The following CSMD1 variants were observed in gnomAD, a reference collection of about 807,000 sequenced individuals.
CSMD1 encodes the protein CUB and sushi domain-containing protein 1.
CSMD1 carries 213 observed loss-of-function variants against 417.5 expected under a neutral mutation model. The ratio of observed to expected loss-of-function variants is 0.51; its 90% CI spans 0.46 to 0.57. The LOEUF (loss-of-function observed/expected upper bound fraction) is 0.57. Among genes scored for constraint, CSMD1 ranks in the 20% least tolerant of loss-of-function variants. The pLI is 0.00. For missense variants in CSMD1, 6,923 were observed against 4,529.7 expected, an observed-to-expected ratio of 1.53 and a Z score of -15.17; for synonymous variants, 2,862 against 1,736.8, an observed-to-expected ratio of 1.65 and a Z score of -16.11.
intron 2 of CSMD1, among the ~76,000 whole-genome samples, chr8:4,600,079 G>T (rs1253684768): frequency 2.6e-5 from 4 of 152,158 alleles, no homozygotes; most frequent in African/African-American, 7.2e-5. Flanking sequence ...TTTATACTGT[G>T]GAGTTAGGAC....
At chr8:3,295,188 G>A (rs1203968124) in intron 25 of CSMD1, among the ~76,000 whole-genome samples, 3 of 152,012 alleles carry the variant, frequency 2.0e-5, no homozygotes, top group Admixed American at 6.6e-5. Context: ...GCAGTGGTGT[G>A]ATCTTGGCTC....
At chr8:4,628,935 G>T (rs964979150) in intron 2 of CSMD1, among the ~76,000 whole-genome samples, 22 of 152,126 alleles carry the variant, frequency 1.4e-4, no homozygotes, top group African/African-American at 4.6e-4. Context: ...TGGACACTCT[G>T]ATACTGTGTT....
intron 3 of CSMD1, among the ~76,000 whole-genome samples, chr8:4,166,649 T>C (rs2131118242): frequency 6.6e-6 from 1 of 152,212 alleles, no homozygotes; most frequent in East Asian, 1.9e-4. Context: ...GCATATTGGG[T>C]ACCGTGTACA....
chr8:4,862,125 G>C lies in CSMD1; in HGVS notation c.85+132207C>G, dbSNP rs551679495. Reference sequence around the variant, plus strand: ...AGGAAGGAGTGAGTCAGCTCTAAGGGTCTGGGGACAAGGAGGCATCAGGGA... The same window carrying C: ...AGGAAGGAGTGAGTCAGCTCTAAGGCTCTGGGGACAAGGAGGCATCAGGGA... On this transcript the variant is annotated intron_variant, in intron 1 of 69. Transcript: ENST00000635120. Among the ~76,000 whole-genome samples, 21 of 152,162 alleles carry C rather than the reference G, an allele frequency of 1.4e-4. No individual in the cohort carries two copies. In the East Asian group the frequency reaches 3.5e-3, roughly 25 times the overall value.
intron 10 of CSMD1, among the ~76,000 whole-genome samples, chr8:3,497,302 G>C (rs1445716902): frequency 2.0e-5 from 3 of 152,094 alleles, no homozygotes; most frequent in Non-Finnish European, 4.4e-5. Flanking sequence ...AATAATGTTT[G>C]CTTTATATAT....
chr8:4,181,784 A>G (rs1798390701), intron 3 of CSMD1, among the ~76,000 whole-genome samples: 2 of 152,222 alleles, frequency 1.3e-5, no homozygotes, highest in African/African-American at 4.8e-5. Flanking sequence ...CGTATTAACG[A>G]TTTAGGTGAC....
At chr8:3,664,245 C>T (rs944102397) in intron 7 of CSMD1, among the ~76,000 whole-genome samples, 3 of 152,140 alleles carry the variant, frequency 2.0e-5, no homozygotes, top group African/African-American at 7.2e-5. Context: ...CAAGTGTTCT[C>T]ATTGTTCAAT....
At chr8:3,558,291 A>T (rs556646433) in intron 10 of CSMD1, among the ~76,000 whole-genome samples, 3 of 141,282 alleles carry the variant, frequency 2.1e-5, no homozygotes, top group Non-Finnish European at 3.1e-5. Context: ...TGGTGCCTCA[A>T]TGGAACTCCG....
intron 68 of CSMD1, among the ~76,000 whole-genome samples, chr8:2,943,485 C>T (rs777274393): frequency 6.6e-6 from 1 of 152,046 alleles, no homozygotes; most frequent in African/African-American, 2.4e-5. Flanking sequence ...GCCTCGGCCT[C>T]GAAAAGTGCT....
At chr8:3,688,726 T>C (rs1405476204) in intron 7 of CSMD1, among the ~76,000 whole-genome samples, 5 of 152,160 alleles carry the variant, frequency 3.3e-5, no homozygotes, top group African/African-American at 1.2e-4. Context: ...AATTAAAAAA[T>C]ATTTACTTTA....
At chr8:3,669,148 A>G (rs1798855546) in intron 7 of CSMD1, among the ~76,000 whole-genome samples, 1 of 152,220 alleles carries the variant, frequency 6.6e-6, no homozygotes, top group African/African-American at 2.4e-5. Flanking sequence ...GAATGGTTAA[A>G]ACAAGGAAAG....
chr8:3,002,112 G>C (rs77328115), intron 52 of CSMD1, among the ~76,000 whole-genome samples: 2,803 of 152,272 alleles, frequency 0.018, 95 homozygotes, highest in African/African-American at 0.065. Flanking sequence ...AGGTATTCCA[G>C]TCAATCGGAT....
intron 3 of CSMD1, among the ~76,000 whole-genome samples, chr8:4,316,616 C>T (rs537492088): frequency 6.6e-6 from 1 of 151,992 alleles, no homozygotes; most frequent in South Asian, 2.1e-4. Flanking sequence ...TCAGAGACAC[C>T]CGTGACAGAA....
rs139762421 is a variant in CSMD1, at chr8:4,844,539, C to T, written c.85+149793G>A. ...TCAGGACTGCCTGCTGCGACTGGCT[C>T]GAGATTCAATAACCAGCCATGAGGG... On this transcript the variant is annotated intron_variant, in intron 1 of 69. Transcript: ENST00000635120. 1.6e-3 allele frequency among the ~76,000 whole-genome samples: 241 copies of T among 152,216 alleles called. 2 individuals are homozygous for T. The highest frequency in any genetic ancestry group is 3.0e-3 in the Non-Finnish European group (201 of 68,004).
At chr8:4,853,351 C>T (rs1292102091) in intron 1 of CSMD1, among the ~76,000 whole-genome samples, 1 of 152,134 alleles carries the variant, frequency 6.6e-6, no homozygotes, top group African/African-American at 2.4e-5. Context: ...TCCCTGCATC[C>T]CCACTGCTCC....
intron 4 of CSMD1, among the ~76,000 whole-genome samples, chr8:4,022,758 G>C (rs1303058790): frequency 6.6e-6 from 1 of 152,078 alleles, no homozygotes; most frequent in Admixed American, 6.6e-5. Context: ...AGAAACTTTG[G>C]GAATCAGAGA....
chr8:4,965,889 G>C (rs1809824696), intron 1 of CSMD1, among the ~76,000 whole-genome samples: 2 of 152,116 alleles, frequency 1.3e-5, no homozygotes, highest in South Asian at 2.1e-4. Flanking sequence ...ATTTACATAA[G>C]TAGAGAAAGA....
chr8:4,838,376 G>GA (rs1246853348), intron 1 of CSMD1, among the ~76,000 whole-genome samples: 1 of 152,136 alleles, frequency 6.6e-6, no homozygotes, highest in Non-Finnish European at 1.5e-5. Flanking sequence ...ATTGAAGATA[G>GA]AAAAATAAAT....
chr8:4,754,418 T>C lies in CSMD1; in HGVS notation c.86-116860A>G, dbSNP rs550123742. Among the ~76,000 whole-genome samples, 26 of 152,300 alleles carry C rather than the reference T, an allele frequency of 1.7e-4. No homozygotes were observed. In the South Asian group the frequency reaches 5.4e-3, roughly 32 times the overall value. On this transcript the variant is annotated intron_variant, in intron 1 of 69. Coordinates refer to ENST00000635120, the MANE Select transcript of CSMD1 (RefSeq NM_033225.6). ...AGTGTCATATCCCAACTGGGTCACA[T>C]ACAAATAAGTAGTAACTAACTTGTA...
Sources: allele counts gnomAD v4.1 joint callset (sites outside exome capture counted in the v4.1 genomes callset), GRCh38; gene constraint gnomAD v4.1.1; transcripts MANE v1.5; gene names NCBI Gene and HGNC (gene_info 2026-07-23, HGNC 2026-07-21).